The following SMYD3 variants were observed in gnomAD, a reference collection of about 807,000 sequenced individuals.
SMYD3 encodes the protein SET and MYND domain containing 3, also known as histone-lysine N-methyltransferase SMYD3.
In SMYD3, 36 loss-of-function variants were observed where a neutral mutation model predicts 57.7. That is an observed-to-expected ratio of 0.62 (90% CI 0.48 to 0.82). The LOEUF (loss-of-function observed/expected upper bound fraction) is 0.82, where lower values mean the gene tolerates loss of function less well. Ranked by LOEUF, SMYD3 falls within the 40% of genes least tolerant of loss-of-function variation. The pLI, the probability that SMYD3 is intolerant of heterozygous loss-of-function variation, is 0.00. For synonymous variants in SMYD3, 211 were observed against 195.0 expected (o/e 1.08, Z -0.68); for missense variants, 515 against 538.8 (o/e 0.96, Z 0.44).
At chr1:246,229,404 G>A (rs1235130107) in intron 5 of SMYD3, among the ~76,000 whole-genome samples, 1 of 152,084 alleles carries the variant, frequency 6.6e-6, no homozygotes, top group Non-Finnish European at 1.5e-5. Context: ...ACCTGCCATT[G>A]AACAAAATAA....
intron 5 of SMYD3, among the ~76,000 whole-genome samples, chr1:246,184,589 C>G (rs1249210464): frequency 6.6e-6 from 1 of 152,278 alleles, no homozygotes; most frequent in East Asian, 1.9e-4. Context: ...CCCTCTGATT[C>G]TATTTGGAGA....
chr1:246,187,129 C>T (rs929259030), intron 5 of SMYD3, among the ~76,000 whole-genome samples: 1 of 152,046 alleles, frequency 6.6e-6, no homozygotes, highest in Non-Finnish European at 1.5e-5. Context: ...TGGCTCATGC[C>T]TGTAATCCCA....
intron 1 of SMYD3, among the ~76,000 whole-genome samples, chr1:246,492,826 C>T (rs765338234): frequency 3.3e-5 from 5 of 152,194 alleles, no homozygotes; most frequent in Non-Finnish European, 7.3e-5. Context: ...ACTGCCACCT[C>T]GTGGGTCAGC....
At chr1:246,063,538 T>TCCTTCCTTCCCTTCCTTC (rs145685635) in intron 5 of SMYD3, among the ~76,000 whole-genome samples, 34 of 149,756 alleles carry the variant, frequency 2.3e-4, no homozygotes, top group African/African-American at 7.4e-4. Flanking sequence ...CTTCCTTTCC[T>TCCTTCCTTCCCTTCCTTC]CCTTCCTTCC....
At chr1:246,112,763 A>C (rs1237541109) in intron 5 of SMYD3, among the ~76,000 whole-genome samples, 2 of 152,224 alleles carry the variant, frequency 1.3e-5, no homozygotes, top group African/African-American at 4.8e-5. Flanking sequence ...AAACGAAACT[A>C]TTTCATTTAA....
chr1:246,071,249 A>C (rs557105468), intron 5 of SMYD3, among the ~76,000 whole-genome samples: 38 of 152,312 alleles, frequency 2.5e-4, no homozygotes, highest in African/African-American at 9.1e-4. Context: ...GTCTGTAAAA[A>C]AAAATTGTGG....
intron 1 of SMYD3, among the ~76,000 whole-genome samples, chr1:246,401,281 G>A (rs2066763771): frequency 6.6e-6 from 1 of 152,020 alleles, no homozygotes; most frequent in Admixed American, 6.5e-5. Flanking sequence ...AGTATCTCTT[G>A]AGCCCATGAG....
chr1:246,001,123 A>G (rs1259630752), intron 5 of SMYD3, among the ~76,000 whole-genome samples: 1 of 152,222 alleles, frequency 6.6e-6, no homozygotes, highest in Non-Finnish European at 1.5e-5. Flanking sequence ...TGATACTCTA[A>G]GGCCAACAGA....
chr1:245,830,723 C>T, intron 10 of SMYD3, among the ~76,000 whole-genome samples: 1 of 152,114 alleles, frequency 6.6e-6, no homozygotes, highest in East Asian at 1.9e-4. Flanking sequence ...CAACACCCAC[C>T]CACTAATAAG....
At chr1:246,449,201 C>T (rs2067596126) in intron 1 of SMYD3, among the ~76,000 whole-genome samples, 1 of 152,050 alleles carries the variant, frequency 6.6e-6, no homozygotes, top group Admixed American at 6.6e-5. Context: ...CCCTGCACTC[C>T]ACGTGGTCAA....
intron 8 of SMYD3, among the ~76,000 whole-genome samples, chr1:245,877,310 G>A (rs1224629418): frequency 6.6e-6 from 1 of 152,174 alleles, no homozygotes; most frequent in Non-Finnish European, 1.5e-5. Context: ...ACGGTTCATC[G>A]GGGGAAAGGG....
At chr1:246,122,115 A>G (rs1181577931) in intron 5 of SMYD3, among the ~76,000 whole-genome samples, 1 of 152,194 alleles carries the variant, frequency 6.6e-6, no homozygotes, top group Non-Finnish European at 1.5e-5. Flanking sequence ...AGACACACTT[A>G]TAAAGAATGC....
intron 5 of SMYD3, among the ~76,000 whole-genome samples, chr1:246,101,814 A>C (rs528919857): frequency 1.1e-4 from 17 of 152,174 alleles, no homozygotes; most frequent in African/African-American, 3.9e-4. Context: ...GTGACACATA[A>C]ATTGCCTCTT....
At chr1:246,078,109 G>A (rs1465770248) in intron 5 of SMYD3, among the ~76,000 whole-genome samples, 1 of 151,906 alleles carries the variant, frequency 6.6e-6, no homozygotes, top group African/African-American at 2.4e-5. Context: ...ACTGTAAAAT[G>A]TCAGACAACT....
intron 10 of SMYD3, among the ~76,000 whole-genome samples, chr1:245,814,894 A>G (rs889560643): frequency 6.6e-6 from 1 of 151,914 alleles, no homozygotes; most frequent in African/African-American, 2.4e-5. Flanking sequence ...ACGCATGCAC[A>G]CACACACACT....
At chr1:246,219,808 C>G (rs1357821681) in intron 5 of SMYD3, among the ~76,000 whole-genome samples, 1 of 152,170 alleles carries the variant, frequency 6.6e-6, no homozygotes, top group East Asian at 1.9e-4. Context: ...CTCACCCAGG[C>G]TCCTGCACTC....
chr1:245,804,042 A>G (rs1242440396), intron 10 of SMYD3, among the ~76,000 whole-genome samples: 1 of 151,272 alleles, frequency 6.6e-6, no homozygotes, highest in Non-Finnish European at 1.5e-5. Flanking sequence ...ACTTCCAAGC[A>G]GCTGGGACCA....
At chr1:246,491,110 AC>A (rs1339139890) in intron 1 of SMYD3, among the ~76,000 whole-genome samples, 1 of 152,230 alleles carries the variant, frequency 6.6e-6, no homozygotes, top group African/African-American at 2.4e-5. Context: ...AAGGGAAAGC[AC>A]CAAAGTGAGA....
intron 1 of SMYD3, among the ~76,000 whole-genome samples, chr1:246,390,807 C>T (rs538336846): frequency 6.6e-6 from 1 of 152,236 alleles, no homozygotes; most frequent in Admixed American, 6.5e-5. Context: ...ACAACAGCCA[C>T]ATGTAGCTAG....
Sources: allele counts gnomAD v4.1 joint callset (sites outside exome capture counted in the v4.1 genomes callset), GRCh38; gene constraint gnomAD v4.1.1; transcripts MANE v1.5; gene names NCBI Gene and HGNC (gene_info 2026-07-23, HGNC 2026-07-21).